The following PARD6G variants were observed in gnomAD, a reference collection of about 807,000 sequenced individuals.
The protein encoded by PARD6G is partitioning defective 6 homolog gamma.
Under a neutral mutation model 10.7 loss-of-function variants are expected in PARD6G, and 7 were observed. The observed-to-expected ratio is 0.66, with a 90% confidence interval of 0.37 to 1.23. The LOEUF (loss-of-function observed/expected upper bound fraction) is 1.23, where lower values mean the gene tolerates loss of function less well. Among genes scored for constraint, PARD6G ranks in the 50% most tolerant of loss-of-function variants. The pLI, the probability that PARD6G is intolerant of heterozygous loss-of-function variation, is 0.02. For missense variants in PARD6G, 548 were observed against 571.8 expected (o/e 0.96, Z 0.42); for synonymous variants, 287 against 269.4 (o/e 1.07, Z -0.64).
chr18:80,228,820 A>G lies in PARD6G; in HGVS notation c.72+18457T>C, dbSNP rs1967326358. Among the ~76,000 whole-genome samples, 1 of 152,262 alleles carries G rather than the reference A, an allele frequency of 6.6e-6. No homozygotes were observed. Among genetic ancestry groups the G allele is most frequent in the Non-Finnish European group, 1.5e-5 (1 of 68,048 alleles). ...ACTGCAGGTGATCAGAAACAGAGAC[A>G]GATTCCCACAGGAAATGTTCATCAA... On this transcript the variant is annotated intron_variant, in intron 1 of 2. Coordinates refer to ENST00000353265, the MANE Select transcript of PARD6G (RefSeq NM_032510.4). This position sits in a 1 kb window ranked among gnomAD's most constrained non-coding sequence, Gnocchi z 4.6.
At chr18:80,190,488 G>T (rs1395683452) in intron 2 of PARD6G, among the ~76,000 whole-genome samples, 1 of 152,192 alleles carries the variant, frequency 6.6e-6, no homozygotes, top group African/African-American at 2.4e-5. Context: ...ACAGGCCCAT[G>T]ATTCCACCCA....
At chr18:80,169,901 G>A (rs980364410) in intron 2 of PARD6G, 1 of 152,244 alleles carries the variant, frequency 6.6e-6, no homozygotes, top group Non-Finnish European at 1.5e-5. Context: ...TAAATGGTAA[G>A]AAATTAGTAA....
chr18:80,215,408 G>T (rs1301254269), intron 1 of PARD6G, among the ~76,000 whole-genome samples: 1 of 152,024 alleles, frequency 6.6e-6, no homozygotes, highest in Non-Finnish European at 1.5e-5. Context: ...TGATTTAAAA[G>T]GACAACTGCA....
chr18:80,222,723 G>C (rs1221979035), intron 1 of PARD6G, among the ~76,000 whole-genome samples: 2 of 152,150 alleles, frequency 1.3e-5, no homozygotes, highest in East Asian at 3.8e-4. Context: ...ACCTAGGCTA[G>C]AGTGCAGTGG....
intron 1 of PARD6G, among the ~76,000 whole-genome samples, chr18:80,204,394 G>A (rs1021167923): frequency 6.6e-6 from 1 of 152,072 alleles, no homozygotes; most frequent in Admixed American, 6.5e-5. Flanking sequence ...ACAAGTTCCT[G>A]AAAGAGCTGA....
chr18:80,212,449 A>G (rs1356300648), intron 1 of PARD6G, among the ~76,000 whole-genome samples: 2 of 152,228 alleles, frequency 1.3e-5, no homozygotes, highest in African/African-American at 4.8e-5. Context: ...TGCCGGCCAT[A>G]TTTGTTATTG....
intron 2 of PARD6G, among the ~76,000 whole-genome samples, chr18:80,177,922 A>ACACACACACATGCACAAGATAAT (rs2052824799): frequency 6.6e-6 from 1 of 151,440 alleles, no homozygotes; most frequent in Non-Finnish European, 1.5e-5. Context: ...TGGGAAGCTC[A>ACACACACACATGCACAAGATAAT]CACACACACA....
intron 1 of PARD6G, among the ~76,000 whole-genome samples, chr18:80,225,362 T>C (rs534067138): frequency 6.6e-6 from 1 of 152,354 alleles, no homozygotes; most frequent in East Asian, 1.9e-4. Context: ...CCATCACTCA[T>C]GCAAAGGCCC....
chr18:80,191,872 G>A (rs1482727442), intron 2 of PARD6G, among the ~76,000 whole-genome samples: 3 of 152,196 alleles, frequency 2.0e-5, no homozygotes, highest in Non-Finnish European at 2.9e-5. Flanking sequence ...GTATACGTGT[G>A]ATAATGAGGG....
At chr18:80,195,580 T>TATATACA (rs1217519591) in intron 2 of PARD6G, among the ~76,000 whole-genome samples, 12 of 134,310 alleles carry the variant, frequency 8.9e-5, no homozygotes, top group African/African-American at 3.4e-4. Context: ...TATACACACA[T>TATATACA]TTTTTTTTCT....
intron 1 of PARD6G, among the ~76,000 whole-genome samples, chr18:80,235,447 A>T (rs1489664750): frequency 6.6e-6 from 1 of 152,220 alleles, no homozygotes; most frequent in African/African-American, 2.4e-5. Context: ...CAATTAAAAG[A>T]ACTAGAGAAG....
At chr18:80,203,745 A>C (rs1237878214) in intron 1 of PARD6G, among the ~76,000 whole-genome samples, 1 of 152,094 alleles carries the variant, frequency 6.6e-6, no homozygotes, top group Admixed American at 6.6e-5. Flanking sequence ...AAGGCAAAAG[A>C]CCATTAAGAC....
chr18:80,236,579 A>ATTGTATACAAT (rs1379339550), intron 1 of PARD6G, among the ~76,000 whole-genome samples: 1 of 152,212 alleles, frequency 6.6e-6, no homozygotes, highest in African/African-American at 2.4e-5. Flanking sequence ...TTTGCAGATG[A>ATTGTATACAAT]CATGATTGTA....
chr18:80,179,263 C>G (rs1201076619), intron 2 of PARD6G, among the ~76,000 whole-genome samples: 1 of 150,362 alleles, frequency 6.7e-6, no homozygotes, highest in Admixed American at 6.6e-5. Context: ...AACGTTTTTC[C>G]TTGGTAAACC....
At position 80,159,778 on chromosome 18, in the gene PARD6G, G is replaced by A. The variant is rs2052682398; in HGVS notation, c.1124C>T (p.Thr375Met). Residue 375 changes from threonine (T) to methionine (M), a missense_variant, in exon 3 of 3, where the codon ACG (threonine) becomes ATG (methionine). Thr to Met is a moderately conservative substitution (Grantham distance 81). Around this residue, in one of 2 missense-constraint regions of PARD6G, gnomAD observed 313 missense variants for 279.9 expected, o/e 1.12. Transcript: ENST00000353265. Reference sequence around the variant, plus strand: ...TGGGGGCCTCTCGGGAGTCTAGAGCGTGACCGCGGGCCCGTGCTCCTCCAC... The same window carrying A: ...TGGGGGCCTCTCGGGAGTCTAGAGCATGACCGCGGGCCCGTGCTCCTCCAC... ...GGVEEHGPAV[T>M]L The A allele has an allele frequency of 4.9e-6, 7 of 1,426,916 alleles. No homozygotes were observed. Among genetic ancestry groups the A allele is most frequent in the African/African-American group, 3.0e-5 (2 of 65,962 alleles). 88.4% of individuals were successfully genotyped at this position (1,426,916 alleles called of 1,614,324 possible).
rs1354133316 is a variant in PARD6G at position 80,183,233 on chromosome 18, C to T, written c.295+19477G>A. ...GAAAGCCAGAGAGACTTCTGCAAAA[C>T]AAGCTGCAGATAGGCATGGAGAAGA... On this transcript the variant is annotated intron_variant, in intron 2 of 2. Coordinates refer to ENST00000353265, the MANE Select transcript of PARD6G (RefSeq NM_032510.4). The surrounding 1 kb of genome is among the most constrained non-coding windows in gnomAD (Gnocchi z 4.5). 9 of 701,564 alleles carry T rather than the reference C, an allele frequency of 1.3e-5. No individual in the cohort carries two copies. The East Asian group carries it at 1.9e-4, about 15-fold the overall frequency. 43.5% of individuals were successfully genotyped at this position (701,564 alleles called of 1,614,324 possible).
rs1456880355 is a variant in PARD6G, at chr18:80,246,723, T to G, written c.72+554A>C. Among the ~76,000 whole-genome samples, 2 of 150,388 alleles carry G rather than the reference T, an allele frequency of 1.3e-5. No homozygotes were observed. Among genetic ancestry groups the G allele is most frequent in the Non-Finnish European group, 3.0e-5 (2 of 67,526 alleles). ...GAGAGCCGGGTGCGTGCTCTGGGTCTGCGCGGGGGAGCGCGCCTGGTGCCT... is the reference window on the plus strand; with the variant it reads ...GAGAGCCGGGTGCGTGCTCTGGGTCGGCGCGGGGGAGCGCGCCTGGTGCCT... On this transcript the variant is annotated intron_variant, in intron 1 of 2. Transcript: ENST00000353265. This position sits in a 1 kb window ranked among gnomAD's most constrained non-coding sequence, Gnocchi z 6.7.
At chr18:80,208,885 G>A (rs1300051333) in intron 1 of PARD6G, among the ~76,000 whole-genome samples, 5 of 152,112 alleles carry the variant, frequency 3.3e-5, no homozygotes, top group African/African-American at 1.2e-4. Flanking sequence ...GGGAGGCCAA[G>A]GGAGAGTCCG....
chr18:80,160,342 A>T lies in PARD6G; in HGVS notation c.560T>A (p.Leu187Gln), dbSNP rs770789216. Residue 187 changes from leucine (L) to glutamine (Q), a missense_variant, in exon 3 of 3, where the codon CTG becomes CAG. This residue lies in a region of PARD6G where 235 missense variants were observed against 291.9 expected (regional missense o/e 0.81). Transcript: ENST00000353265. ...GATGAAGATGCCGGGCACCTTCTCCAGCCCGTGCGGGGTCACGCGCACGCT... is the reference window on the plus strand; with the variant it reads ...GATGAAGATGCCGGGCACCTTCTCCTGCCCGTGCGGGGTCACGCGCACGCT... ...GASVRVTPHG[L>Q]EKVPGIFISR... is the part of the protein sequence containing the mutation. 6.2e-7 allele frequency: 1 copy of T among 1,611,680 alleles called. No homozygotes were observed. The highest frequency in any genetic ancestry group is 8.5e-7 in the Non-Finnish European group (1 of 1,179,758).
Sources: gnomAD v4.1 joint callset for allele counts (sites outside exome capture counted in the v4.1 genomes callset) on GRCh38, gnomAD v4.1.1 for gene constraint, gnomAD v4.1.1 regional missense constraint, Gnocchi (gnomAD v3.1) non-coding constraint, MANE v1.5 for transcripts, NCBI Gene and HGNC (gene_info 2026-07-23, HGNC 2026-07-21) for gene names.